The following REM2 variants were observed in gnomAD, a reference collection of about 807,000 sequenced individuals.
REM2 encodes RRAD and GEM like GTPase 2.
A neutral mutation model predicts 24.4 loss-of-function variants in REM2; 24 were observed. The observed-to-expected ratio is 0.98, with a 90% CI of 0.71 to 1.38. The LOEUF is 1.38. REM2 is among the 40% of genes most tolerant of loss of function. The pLI is 0.00. For missense variants in REM2, 429 were observed against 467.8 expected, an observed-to-expected ratio of 0.92 and a Z score of 0.77; for synonymous variants, 187 against 198.0, an observed-to-expected ratio of 0.94 and a Z score of 0.47.
Position 22,886,815 on chromosome 14 carries a change from A to G in REM2, c.929A>G (p.Lys310Arg). 1 of 1,549,216 alleles carries G rather than the reference A, an allele frequency of 6.5e-7. No homozygotes were observed. The highest frequency in any genetic ancestry group is 8.7e-7 in the Non-Finnish European group (1 of 1,146,392). The change falls in exon 5 of 5, where the codon AAG (lysine) becomes AGG (arginine). Residue 310 changes from lysine (K) to arginine (R), a missense_variant. By Grantham distance (26) the Lys-to-Arg change is conservative. Coordinates refer to ENST00000267396, the MANE Select transcript of REM2 (RefSeq NM_173527.3). The surrounding 1 kb of genome is among the most constrained non-coding windows in gnomAD (Gnocchi z 5.9). ...CCTGCACGCCGCGAGAGCCTCACCA[A>G]GAAAGCCAAGAGGTTCCTCGCCAAC... ...APPARRESLT[K>R]KAKRFLANLV...
Position 22,884,754 on chromosome 14 carries a change from G to A in REM2, c.184G>A (p.Ala62Thr). The change falls in exon 2 of 5, where the codon GCC (alanine) becomes ACC (threonine). Residue 62 changes from alanine (A) to threonine (T), a missense_variant. Physicochemically the swap from Ala to Thr is moderately conservative, Grantham distance 58 (BLOSUM62 0). Transcript: ENST00000267396. ...GAGCGGGTTACCCTCTGCCCCTGGG[G>A]CCCCCAGACGAAGAGGCAGTATGCC... ...DRSGLPSAPG[A>T]PRRRGSMPVP... 1 of 1,614,008 alleles carries A rather than the reference G, an allele frequency of 6.2e-7. No homozygotes were observed. Among genetic ancestry groups the A allele is most frequent in the Non-Finnish European group, 8.5e-7 (1 of 1,179,876 alleles).
chr14:22,884,905 A>G lies in REM2; in HGVS notation c.335A>G (p.Asp112Gly), dbSNP rs1475208503. 2 of 1,612,740 alleles carry G rather than the reference A, an allele frequency of 1.2e-6. No homozygotes were observed. Among genetic ancestry groups the G allele is most frequent in the East Asian group, 4.5e-5 (2 of 44,844 alleles). ...GSGEAAPAQK[D>G]GIFKVMLVGE... is the part of the protein sequence containing the mutation. ...GGGGAGGCAGCCCCTGCTCAAAAGGATGGCATCTTCAAGGTCATGCTAGTG... is the reference window on the plus strand; with the variant it reads ...GGGGAGGCAGCCCCTGCTCAAAAGGGTGGCATCTTCAAGGTCATGCTAGTG... Residue 112 changes from aspartate (D) to glycine (G), a missense_variant, in exon 2 of 5, where the codon GAT becomes GGT. Physicochemically the swap from Asp to Gly is moderately conservative, Grantham distance 94. Coordinates refer to ENST00000267396, the MANE Select transcript of REM2 (RefSeq NM_173527.3).
chr14:22,886,700 G>T lies in REM2; in HGVS notation c.814G>T (p.Gly272Cys), dbSNP rs1281007538. 6.6e-7 allele frequency: 1 copy of T among 1,504,408 alleles called. No individual in the cohort carries two copies. Among genetic ancestry groups the T allele is most frequent in the South Asian group, 1.3e-5 (1 of 78,370 alleles). 93.2% of individuals were successfully genotyped at this position (1,504,408 alleles called of 1,614,324 possible). Residue 272 changes from glycine to cysteine, a missense_variant, in exon 5 of 5, where the codon GGC becomes TGC. Gly to Cys is a radical substitution (Grantham distance 159). Coordinates refer to ENST00000267396, the MANE Select transcript of REM2 (RefSeq NM_173527.3). This position sits in a 1 kb window ranked among gnomAD's most constrained non-coding sequence, Gnocchi z 5.9. ...LHHNTRELFE[G>C]AVRQIRLRRG... Reference sequence around the variant, plus strand: ...CCACAACACGAGGGAGCTCTTCGAGGGCGCGGTGCGCCAGATCCGGCTGCG... The same window carrying T: ...CCACAACACGAGGGAGCTCTTCGAGTGCGCGGTGCGCCAGATCCGGCTGCG...
In REM2 at chr14:22,887,027, A is replaced by G; in HGVS notation, c.*118A>G. 1.1e-6 allele frequency: 1 copy of G among 921,786 alleles called. No homozygotes were observed. The allele number at this position is 921,786 out of a possible 1,614,324, so 57.1% of individuals were successfully genotyped here. On this transcript the variant is annotated 3_prime_UTR_variant, in exon 5 of 5. Coordinates refer to ENST00000267396, the MANE Select transcript of REM2 (RefSeq NM_173527.3). ...GTGGAGGCCGTCTAGGAAACCAAAAACTCCCAGGATGCCCCGGTGTGACCG... is the reference window on the plus strand; with the variant it reads ...GTGGAGGCCGTCTAGGAAACCAAAAGCTCCCAGGATGCCCCGGTGTGACCG...
At position 22,887,607 on chromosome 14, in the gene REM2, T is replaced by C. The variant is rs2040143537; in HGVS notation, c.*698T>C. 1.3e-5 allele frequency: 2 copies of C among 152,234 alleles called. No individual in the cohort carries two copies. The highest frequency in any genetic ancestry group is 4.1e-4 in the South Asian group (2 of 4,832). 9.4% of individuals were successfully genotyped at this position (152,234 alleles called of 1,614,324 possible). On this transcript the variant is annotated 3_prime_UTR_variant, in exon 5 of 5. Coordinates refer to ENST00000267396, the MANE Select transcript of REM2 (RefSeq NM_173527.3). Reference sequence around the variant, plus strand: ...CAGATAATGAGCAGTGGCAACCCCTTTTGGCCAGGGCCAGGGGGGCACCAG... The same window carrying C: ...CAGATAATGAGCAGTGGCAACCCCTCTTGGCCAGGGCCAGGGGGGCACCAG...
Position 22,883,293 on chromosome 14 carries a change from C to T in REM2, c.6C>T (p.His2=), listed in dbSNP as rs777815372. Residue 2 remains histidine, a synonymous_variant, in exon 1 of 5, where the codon CAC becomes CAT. Coordinates refer to ENST00000267396, the MANE Select transcript of REM2 (RefSeq NM_173527.3). ...GCACACGCACACGCACACTGATGCA[C>T]ACGGACCTGGACACAGACATGGACA... M[H]TDLDTDMDMD... is the part of the protein sequence containing the mutation. 1.2e-5 allele frequency: 19 copies of T among 1,529,070 alleles called. No homozygotes were observed. The highest frequency in any genetic ancestry group is 4.9e-5 in the East Asian group (2 of 41,036). The allele number at this position is 1,529,070 out of a possible 1,614,324, so 94.7% of individuals were successfully genotyped here.
chr14:22,885,085 C>A, intron 2 of REM2, 70 bp downstream of exon 2: 1 of 1,461,498 alleles, frequency 6.8e-7, no homozygotes, highest in Non-Finnish European at 9.2e-7. Context: ...GTGCTCGTGA[C>A]CTGAGCAGCC....
At position 22,886,434 on chromosome 14, in the gene REM2, T is replaced by A; in HGVS notation, c.728-180T>A. 1 of 713,516 alleles carries A rather than the reference T, an allele frequency of 1.4e-6. No individual in the cohort carries two copies. The highest frequency in any genetic ancestry group is 2.3e-6 in the Non-Finnish European group (1 of 434,516). 44.2% of individuals were successfully genotyped at this position (713,516 alleles called of 1,614,324 possible). A position where few individuals can be genotyped will look rare whatever the true frequency, so the allele number is the denominator to read the frequency against. On this transcript the variant is annotated intron_variant, in intron 4 of 4. Transcript: ENST00000267396. The surrounding 1 kb of genome is among the most constrained non-coding windows in gnomAD (Gnocchi z 5.9). The stretch of plus-strand genomic sequence containing the variant: ...CTTCCCCTCACCTCTCTCCTAGGCC[T>A]CCTTCTCCCTCTCCTTCGCACCTCC...
intron 1 of REM2, 141 bp downstream of exon 1, chr14:22,883,531 C>A: frequency 1.3e-6 from 1 of 748,244 alleles, no homozygotes; most frequent in Non-Finnish European, 2.2e-6. Flanking sequence ...GTGGAGAAGA[C>A]CCCTGCTCAC....
chr14:22,885,699 A>T (rs771645640), intron 3 of REM2, among the ~76,000 whole-genome samples: 9 of 152,212 alleles, frequency 5.9e-5, no homozygotes, highest in Non-Finnish European at 8.8e-5. Context: ...GGGAAGGGGG[A>T]AAAAAGTGAG....
Position 22,883,257 on chromosome 14 carries a change from C to A in REM2, c.-31C>A. 1.4e-6 allele frequency: 1 copy of A among 697,828 alleles called. No individual in the cohort carries two copies. The highest frequency in any genetic ancestry group is 2.3e-6 in the Non-Finnish European group (1 of 432,068). 43.2% of individuals were successfully genotyped at this position (697,828 alleles called of 1,614,324 possible). A position where few individuals can be genotyped will look rare whatever the true frequency, so the allele number is the denominator to read the frequency against. Reference sequence around the variant, plus strand: ...GAGGGTGCTGCGAGCTGCTGGGCTGCACACGCACACGCACACGCACACGCA... The same window carrying A: ...GAGGGTGCTGCGAGCTGCTGGGCTGAACACGCACACGCACACGCACACGCA... On this transcript the variant is annotated 5_prime_UTR_variant, in exon 1 of 5. Coordinates refer to ENST00000267396, the MANE Select transcript of REM2 (RefSeq NM_173527.3).
Position 22,885,333 on chromosome 14 carries a change from G to A in REM2, c.513G>A (p.Trp171Ter). The change falls in exon 3 of 5, where the codon TGG becomes TGA. Residue 171 changes from tryptophan (W) to a stop codon, truncating the protein, a stop_gained. Coordinates refer to ENST00000267396, the MANE Select transcript of REM2 (RefSeq NM_173527.3). LOFTEE classifies it high-confidence loss of function. ...TGACTCTAGTCGTTTATGACATCTGGGAACAGGTGAGAACTAAGATGTGGC... is the reference window on the plus strand; with the variant it reads ...TGACTCTAGTCGTTTATGACATCTGAGAACAGGTGAGAACTAAGATGTGGC... ...EEVTLVVYDI[W>*]EQGDAGGWLR... 6.2e-7 allele frequency: 1 copy of A among 1,612,040 alleles called. No homozygotes were observed.
intron 1 of REM2, among the ~76,000 whole-genome samples, chr14:22,883,899 T>A (rs1392225066): frequency 6.8e-6 from 1 of 147,462 alleles, no homozygotes; most frequent in African/African-American, 2.5e-5. Context: ...TCCCTTTCGC[T>A]CACACACACA....
chr14:22,886,172 C>T lies in REM2; in HGVS notation c.668C>T (p.Pro223Leu), dbSNP rs760139078. The T allele has an allele frequency of 6.2e-7, 1 of 1,614,004 alleles. No homozygotes were observed. The highest frequency in any genetic ancestry group is 8.5e-7 in the Non-Finnish European group (1 of 1,179,882). ...LRAGRPHHDL[P>L]VILVGNKSDL... ...GCTGGGAGGCCGCACCACGACCTAC[C>T]CGTTATCCTCGTTGGAAACAAGAGC... The change falls in exon 4 of 5, where the codon CCC becomes CTC. Residue 223 changes from proline (P) to leucine (L), a missense_variant. Coordinates refer to ENST00000267396, the MANE Select transcript of REM2 (RefSeq NM_173527.3). This position sits in a 1 kb window ranked among gnomAD's most constrained non-coding sequence, Gnocchi z 5.9.
Position 22,886,123 on chromosome 14 carries a change from C to G in REM2, c.619C>G (p.Pro207Ala). The part of the protein sequence containing the change: ...VTDRRSFSKV[P>A]ETLLRLRAGR... Reference sequence around the variant, plus strand: ...CGACCGACGGAGTTTCTCCAAAGTTCCAGAGACCCTACTTCGGCTCCGGGC... The same window carrying G: ...CGACCGACGGAGTTTCTCCAAAGTTGCAGAGACCCTACTTCGGCTCCGGGC... The change falls in exon 4 of 5, where the codon CCA (proline) becomes GCA (alanine). Residue 207 changes from proline (P) to alanine (A), a missense_variant. Coordinates refer to ENST00000267396, the MANE Select transcript of REM2 (RefSeq NM_173527.3). The surrounding 1 kb of genome is among the most constrained non-coding windows in gnomAD (Gnocchi z 5.9). The G allele has an allele frequency of 1.2e-6, 2 of 1,613,984 alleles. No individual in the cohort carries two copies. The highest frequency in any genetic ancestry group is 1.3e-5 in the African/African-American group (1 of 75,028).
chr14:22,885,897 A>T, intron 3 of REM2, 127 bp from the exon 4 acceptor site: 1 of 692,594 alleles, frequency 1.4e-6, no homozygotes, highest in Non-Finnish European at 2.5e-6. Flanking sequence ...TCTGCCATTA[A>T]CTAGCTCTGC....
chr14:22,886,754 A>G lies in REM2; in HGVS notation c.868A>G (p.Arg290Gly). ...RRGRNHAGGQRPDPGSPEGPA... is the reference protein window; with the variant it reads ...RRGRNHAGGQGPDPGSPEGPA... ...GGGCCGAAACCACGCCGGAGGCCAG[A>G]GGCCCGATCCGGGCAGCCCCGAGGG... Residue 290 changes from arginine (R) to glycine (G), a missense_variant, in exon 5 of 5, where the codon AGG becomes GGG. Physicochemically the swap from Arg to Gly is moderately radical, Grantham distance 125. Transcript: ENST00000267396. This position sits in a 1 kb window ranked among gnomAD's most constrained non-coding sequence, Gnocchi z 5.9. 3.9e-6 allele frequency: 6 copies of G among 1,542,560 alleles called. No homozygotes were observed. The highest frequency in any genetic ancestry group is 5.2e-6 in the Non-Finnish European group (6 of 1,144,282).
intron 1 of REM2, chr14:22,884,113 C>T (rs940062109): frequency 4.6e-5 from 45 of 985,212 alleles, no homozygotes; most frequent in African/African-American, 8.7e-5. Flanking sequence ...AGACCCAGCA[C>T]GCACATCATC....
At position 22,883,459 on chromosome 14, in the gene REM2, T is replaced by C; in HGVS notation, c.103+69T>C. 4 of 1,400,510 alleles carry C rather than the reference T, an allele frequency of 2.9e-6. No individual in the cohort carries two copies. In the South Asian group the frequency reaches 4.9e-5, roughly 17 times the overall value. The allele number at this position is 1,400,510 out of a possible 1,614,324, so 86.8% of individuals were successfully genotyped here. A position where few individuals can be genotyped will look rare whatever the true frequency, so the allele number is the denominator to read the frequency against. On this transcript the variant is annotated intron_variant, in intron 1 of 4. Coordinates refer to ENST00000267396, the MANE Select transcript of REM2 (RefSeq NM_173527.3). ...GGGAGCTGAAGCTTTGGTGGGGAGG[T>C]CAGAACTAGGGGTTGAGGGAGCTTG...
Sources: gnomAD v4.1 joint callset for allele counts (sites outside exome capture counted in the v4.1 genomes callset) on GRCh38, gnomAD v4.1.1 for gene constraint, Gnocchi (gnomAD v3.1) non-coding constraint, MANE v1.5 for transcripts, NCBI Gene and HGNC (gene_info 2026-07-23, HGNC 2026-07-21) for gene names.